Variants in SPTBN1 observed in about 807,000 individuals in gnomAD.
The protein encoded by SPTBN1 is spectrin beta chain, non-erythrocytic 1.
In SPTBN1, 32 loss-of-function variants were observed where a neutral mutation model predicts 266.4. The ratio of observed to expected loss-of-function variants is 0.12; its 90% CI spans 0.09 to 0.16. SPTBN1 has a LOEUF of 0.16. Among genes scored for constraint, SPTBN1 ranks in the 10% least tolerant of loss-of-function variants. SPTBN1 has a pLI of 1.00. For missense variants in SPTBN1, 2,296 were observed against 3,067.1 expected, an observed-to-expected ratio of 0.75 and a Z score of 5.94; for synonymous variants, 1,336 against 1,162.2, an observed-to-expected ratio of 1.15 and a Z score of -3.04.
At chr2:54,548,628 G>T (rs1387627210) in intron 2 of SPTBN1, among the ~76,000 whole-genome samples, 1 of 152,178 alleles carries the variant, frequency 6.6e-6, no homozygotes, top group African/African-American at 2.4e-5. Context: ...TCTAGAAATG[G>T]CAGCAGGAAT....
Position 54,558,092 on chromosome 2 carries a change from C to T in SPTBN1, c.148+31526C>T, listed in dbSNP as rs2104456266. 3.0e-6 allele frequency: 3 copies of T among 985,410 alleles called. No individual in the cohort carries two copies. The highest frequency in any genetic ancestry group is 3.6e-6 in the Non-Finnish European group (3 of 829,910). 61.0% of individuals were successfully genotyped at this position (985,410 alleles called of 1,614,324 possible). A position where few individuals can be genotyped will look rare whatever the true frequency, so the allele number is the denominator to read the frequency against. On this transcript the variant is annotated intron_variant, in intron 2 of 35. Transcript: ENST00000356805. The surrounding 1 kb of genome is among the most constrained non-coding windows in gnomAD (Gnocchi z 4.6). ...AAGTGATAGTAATCGGAGACTTTTC[C>T]GTTACATGAGGCTCAACAAAAGATT...
chr2:54,597,874 T>G (rs1453848533), intron 2 of SPTBN1, among the ~76,000 whole-genome samples: 1 of 145,384 alleles, frequency 6.9e-6, no homozygotes, highest in Non-Finnish European at 1.5e-5. Flanking sequence ...TGCTTTTTTT[T>G]TTTTTTTTTT....
intron 1 of SPTBN1, among the ~76,000 whole-genome samples, chr2:54,500,890 T>TA (rs1432513031): frequency 2.0e-5 from 3 of 152,184 alleles, no homozygotes; most frequent in Non-Finnish European, 4.4e-5. Context: ...CCAGCATAAT[T>TA]AAATCACAGT....
chr2:54,506,894 C>CTTTTTTTTTT (rs779582626), intron 1 of SPTBN1, among the ~76,000 whole-genome samples: 7 of 133,498 alleles, frequency 5.2e-5, no homozygotes, highest in East Asian at 2.1e-4. Flanking sequence ...GGTTCTCTCT[C>CTTTTTTTTTT]TTTTTTTTTT....
At position 54,542,044 on chromosome 2, in the gene SPTBN1, T is replaced by C. The variant is rs146071818; in HGVS notation, c.148+15478T>C. Reference sequence around the variant, plus strand: ...TTTCAAAGTACACCTAAGTGATCTATTTTTAAGCTTTATTAGAATGAGTGC... The same window carrying C: ...TTTCAAAGTACACCTAAGTGATCTACTTTTAAGCTTTATTAGAATGAGTGC... On this transcript the variant is annotated intron_variant, in intron 2 of 35. Transcript: ENST00000356805. Among the ~76,000 whole-genome samples the C allele has an allele frequency of 5.1e-3, 774 of 152,368 alleles. 32 individuals are homozygous for C. The highest frequency in any genetic ancestry group is 0.045 in the Admixed American group (692 of 15,306).
Position 54,645,309 on chromosome 2 carries a change from G to T in SPTBN1, c.4350G>T (p.Gly1450=). 1 of 1,614,232 alleles carries T rather than the reference G, an allele frequency of 6.2e-7. No individual in the cohort carries two copies. The highest frequency in any genetic ancestry group is 2.2e-5 in the East Asian group (1 of 44,888). The part of the protein sequence containing the change: ...QSQAQALSQE[G]KSTDEVDSKR... The stretch of plus-strand genomic sequence containing the variant: ...AAGCCCAGGCCCTGAGTCAGGAAGG[G>T]AAGAGCACCGACGAGGTAGACAGCA... The change falls in exon 21 of 36, where the codon GGG becomes GGT. Residue 1450 remains glycine (G), a synonymous_variant. Coordinates refer to ENST00000356805, the MANE Select transcript of SPTBN1 (RefSeq NM_003128.3). This position sits in a 1 kb window ranked among gnomAD's most constrained non-coding sequence, Gnocchi z 4.3.
intron 2 of SPTBN1, among the ~76,000 whole-genome samples, chr2:54,552,941 T>G (rs1672662559): frequency 6.6e-6 from 1 of 152,160 alleles, no homozygotes; most frequent in Non-Finnish European, 1.5e-5. Flanking sequence ...CCATGGGCCT[T>G]GAGTGGGAGG....
chr2:54,668,395 C>G lies in SPTBN1; in HGVS notation c.6921C>G (p.Ser2307=). 1 of 1,614,162 alleles carries G rather than the reference C, an allele frequency of 6.2e-7. No individual in the cohort carries two copies. Among genetic ancestry groups the G allele is most frequent in the Non-Finnish European group, 8.5e-7 (1 of 1,180,028 alleles). ...TCCAGGCTATCTCTTCCGCCATCTC[C>G]TCTGATAAACACGAGGTGTCTGCCA... ...TWIQAISSAI[S]SDKHEVSAST... Residue 2307 remains serine, a synonymous_variant, in exon 36 of 36, where the codon TCC becomes TCG. Coordinates refer to ENST00000356805, the MANE Select transcript of SPTBN1 (RefSeq NM_003128.3).
intron 1 of SPTBN1, among the ~76,000 whole-genome samples, chr2:54,485,691 A>G (rs1442615574): frequency 7.2e-6 from 1 of 139,860 alleles, no homozygotes; most frequent in Non-Finnish European, 1.5e-5. Context: ...CTGGCTGCCC[A>G]GTCTGGAAAG....
chr2:54,496,493 G>C (rs1203186644), intron 1 of SPTBN1, among the ~76,000 whole-genome samples: 1 of 144,598 alleles, frequency 6.9e-6, no homozygotes, highest in African/African-American at 2.5e-5. Flanking sequence ...CATTTTTTTT[G>C]GAATACTTTT....
At chr2:54,549,289 C>CA (rs35199228) in intron 2 of SPTBN1, among the ~76,000 whole-genome samples, 5,445 of 108,686 alleles carry the variant, frequency 0.05, 165 homozygotes, top group Admixed American at 0.098. Flanking sequence ...AACTCTGTCT[C>CA]AAAAAAAAAA....
intron 2 of SPTBN1, among the ~76,000 whole-genome samples, chr2:54,548,699 A>C (rs1361514682): frequency 6.6e-6 from 1 of 152,234 alleles, no homozygotes; most frequent in Non-Finnish European, 1.5e-5. Flanking sequence ...CTCTGGGCAC[A>C]CGGCTCTGTG....
At chr2:54,555,078 C>A (rs1231551950) in intron 2 of SPTBN1, among the ~76,000 whole-genome samples, 1 of 152,214 alleles carries the variant, frequency 6.6e-6, no homozygotes, top group Admixed American at 6.5e-5. Flanking sequence ...CATCTACCCT[C>A]TTTCCTCTTT....
chr2:54,668,619 C>T lies in SPTBN1; in HGVS notation c.*50C>T, dbSNP rs960615006. ...TTCTCTTACCTTTTCAGTGAAATTC[C>T]AGCATGCAAGCTCAGAACCAACACA... is the stretch of plus-strand genomic sequence containing the variant. On this transcript the variant is annotated 3_prime_UTR_variant, in exon 36 of 36. Coordinates refer to ENST00000356805, the MANE Select transcript of SPTBN1 (RefSeq NM_003128.3). 8.5e-6 allele frequency: 13 copies of T among 1,531,744 alleles called. No homozygotes were observed. Among genetic ancestry groups the T allele is most frequent in the Non-Finnish European group, 1.2e-5 (13 of 1,126,592 alleles). 94.9% of individuals were successfully genotyped at this position (1,531,744 alleles called of 1,614,324 possible).
intron 2 of SPTBN1, among the ~76,000 whole-genome samples, chr2:54,598,300 A>ACTGTG (rs1676239885): frequency 6.6e-6 from 1 of 152,224 alleles, no homozygotes; most frequent in African/African-American, 2.4e-5. Flanking sequence ...GAAGGATCAC[A>ACTGTG]GTATGGAGAT....
chr2:54,529,872 AAAAAAAAAAAAAG>A (rs1671104753), intron 2 of SPTBN1: 1 of 416,860 alleles, frequency 2.4e-6, no homozygotes, highest in Non-Finnish European at 4.4e-6. Context: ...AAAAAAAAAA[AAAAAAAAAAAAAG>A]GTCCACTTGA....
intron 1 of SPTBN1, among the ~76,000 whole-genome samples, chr2:54,501,345 C>CTAA (rs1669259832): frequency 6.6e-6 from 1 of 151,828 alleles, no homozygotes; most frequent in Non-Finnish European, 1.5e-5. Flanking sequence ...TTGTAATTAG[C>CTAA]TAACTAAGAC....
intron 2 of SPTBN1, among the ~76,000 whole-genome samples, chr2:54,536,506 T>C (rs1671609821): frequency 6.6e-6 from 1 of 152,244 alleles, no homozygotes; most frequent in Admixed American, 6.5e-5. Context: ...ATAGTTGTGA[T>C]TATTAAGCTA....
intron 1 of SPTBN1, among the ~76,000 whole-genome samples, chr2:54,509,516 A>G (rs1009539010): frequency 6.6e-6 from 1 of 152,280 alleles, no homozygotes; most frequent in Non-Finnish European, 1.5e-5. Context: ...CATGATGGCC[A>G]GCCTAAAACA....
Sources: gnomAD v4.1 joint callset for allele counts (sites outside exome capture counted in the v4.1 genomes callset) on GRCh38, gnomAD v4.1.1 for gene constraint, Gnocchi (gnomAD v3.1) non-coding constraint, MANE v1.5 for transcripts, NCBI Gene and HGNC (gene_info 2026-07-23, HGNC 2026-07-21) for gene names.